Variants in PISD observed in about 807,000 individuals in gnomAD.
PISD encodes phosphatidylserine decarboxylase proenzyme, mitochondrial.
Under a neutral mutation model 43.5 loss-of-function variants are expected in PISD, and 31 were observed. The observed-to-expected ratio is 0.71, with a 90% CI of 0.54 to 0.96. The LOEUF (loss-of-function observed/expected upper bound fraction) is 0.96. Ranked by LOEUF, PISD falls within the 40% of genes least tolerant of loss-of-function variation. PISD has a pLI of 0.00. For missense variants in PISD, 523 were observed against 548.4 expected (o/e 0.95, Z 0.46); for synonymous variants, 259 against 228.7 (o/e 1.13, Z -1.20).
Position 31,619,500 on chromosome 22 carries a change from C to A in PISD, c.*112G>T. Reference sequence around the variant, plus strand: ...TTCAAGTCCTACCTGGTCAGACTCCCAACCACGCTGAGGCAGGCCCTTACC... The same window carrying A: ...TTCAAGTCCTACCTGGTCAGACTCCAAACCACGCTGAGGCAGGCCCTTACC... On this transcript the variant is annotated 3_prime_UTR_variant, in exon 8 of 8. Coordinates refer to ENST00000439502, the MANE Select transcript of PISD (RefSeq NM_001326411.2). 6.1e-6 allele frequency: 5 copies of A among 819,892 alleles called. No homozygotes were observed. Among genetic ancestry groups the A allele is most frequent in the Non-Finnish European group, 6.2e-6 (3 of 481,158 alleles). 50.8% of individuals were successfully genotyped at this position (819,892 alleles called of 1,614,324 possible).
rs1390620937 is a variant in PISD at position 31,618,776 on chromosome 22, C to T, written c.*836G>A. 1 of 193,734 alleles carries T rather than the reference C, an allele frequency of 5.2e-6. No homozygotes were observed. The highest frequency in any genetic ancestry group is 1.0e-5 in the Non-Finnish European group (1 of 95,416). 12.0% of individuals were successfully genotyped at this position (193,734 alleles called of 1,614,324 possible). ...AGGGTCCTCTGCCTCCAAGACAGAC[C>T]CTGAATCAATAGCAGCAACTTTCCC... On this transcript the variant is annotated 3_prime_UTR_variant, in exon 8 of 8. Coordinates refer to ENST00000439502, the MANE Select transcript of PISD (RefSeq NM_001326411.2).
At chr22:31,622,926 A>C (rs1166876546) in intron 3 of PISD, among the ~76,000 whole-genome samples, 1 of 152,200 alleles carries the variant, frequency 6.6e-6, no homozygotes, top group Non-Finnish European at 1.5e-5. Flanking sequence ...CCAACTTTCA[A>C]CACCTCTCCA....
At chr22:31,643,838 G>A (rs1428986029) in intron 3 of PISD, among the ~76,000 whole-genome samples, 1 of 152,142 alleles carries the variant, frequency 6.6e-6, no homozygotes, top group Non-Finnish European at 1.5e-5. Flanking sequence ...CACGAAGTCA[G>A]GAGATCGAGA....
intron 3 of PISD, among the ~76,000 whole-genome samples, chr22:31,644,891 G>A (rs1170326398): frequency 4.6e-5 from 7 of 152,114 alleles, no homozygotes; most frequent in East Asian, 1.9e-4. Context: ...TTCGGAGGCC[G>A]AGGCGGGTGG....
At chr22:31,653,258 A>C (rs2074080817) in intron 1 of PISD, among the ~76,000 whole-genome samples, 1 of 152,000 alleles carries the variant, frequency 6.6e-6, no homozygotes, top group African/African-American at 2.4e-5. Context: ...TAGACTGGAT[A>C]CTCCCACTGC....
intron 3 of PISD, among the ~76,000 whole-genome samples, chr22:31,637,655 G>T (rs1379883192): frequency 1.3e-5 from 2 of 152,132 alleles, no homozygotes; most frequent in African/African-American, 2.4e-5. Context: ...ATTTTCCAGA[G>T]CAAAGAAGAA....
Position 31,619,319 on chromosome 22 carries a change from C to A in PISD, c.*293G>T. ...GTTCGGTCAGGAATGCAGGCTCTTC[C>A]GTCTATACAGTGTTTAAAAAGATCC... On this transcript the variant is annotated 3_prime_UTR_variant, in exon 8 of 8. Coordinates refer to ENST00000439502, the MANE Select transcript of PISD (RefSeq NM_001326411.2). The A allele has an allele frequency of 2.5e-6, 1 of 402,556 alleles. No homozygotes were observed. 24.9% of individuals were successfully genotyped at this position (402,556 alleles called of 1,614,324 possible).
At chr22:31,638,196 C>A (rs2073572647) in intron 3 of PISD, among the ~76,000 whole-genome samples, 1 of 152,234 alleles carries the variant, frequency 6.6e-6, no homozygotes, top group Non-Finnish European at 1.5e-5. Flanking sequence ...CCCCCAAGAC[C>A]TAGATCCACG....
intron 1 of PISD, among the ~76,000 whole-genome samples, chr22:31,652,744 A>AC (rs1359991235): frequency 7.0e-6 from 1 of 143,808 alleles, no homozygotes; most frequent in Non-Finnish European, 1.5e-5. Context: ...CAAAACAAAC[A>AC]CCCCCCTTGC....
At chr22:31,658,826 C>A (rs1336812542) in intron 1 of PISD, among the ~76,000 whole-genome samples, 1 of 151,024 alleles carries the variant, frequency 6.6e-6, no homozygotes, top group Non-Finnish European at 1.5e-5. Flanking sequence ...AGCCACCACA[C>A]CTGGCCAGTT....
At chr22:31,634,136 T>A (rs549637161) in intron 3 of PISD, among the ~76,000 whole-genome samples, 1 of 152,374 alleles carries the variant, frequency 6.6e-6, no homozygotes, top group South Asian at 2.1e-4. Flanking sequence ...GGATGCCCTG[T>A]GCCAGGGAAC....
At chr22:31,658,280 T>G (rs9609341) in intron 1 of PISD, among the ~76,000 whole-genome samples, 5,729 of 152,256 alleles carry the variant, frequency 0.038, 126 homozygotes, top group Non-Finnish European at 0.061. Flanking sequence ...AACTCAAATC[T>G]CAGCGCTGCC....
rs367953260 is a variant in PISD at position 31,643,236 on chromosome 22, T to C, written c.321+4865A>G. 3.7e-4 allele frequency among the ~76,000 whole-genome samples: 57 copies of C among 152,320 alleles called. 2 individuals carry two copies. In the South Asian group the frequency reaches 0.011, roughly 28 times the overall value. On this transcript the variant is annotated intron_variant, in intron 3 of 7. Coordinates refer to ENST00000439502, the MANE Select transcript of PISD (RefSeq NM_001326411.2). ...TCATGTCCCCTGTTTTCCAACATTC[T>C]GTCATAGTGTTTGCTATATTCATCT...
chr22:31,625,722 C>A (rs372123466), intron 3 of PISD: 12 of 1,562,626 alleles, frequency 7.7e-6, no homozygotes, highest in Non-Finnish European at 1.0e-5. Flanking sequence ...GAGGTCGTGG[C>A]GGGGAACCGT....
chr22:31,646,559 G>T (rs1474872014), intron 3 of PISD, among the ~76,000 whole-genome samples: 1 of 152,134 alleles, frequency 6.6e-6, no homozygotes, highest in African/African-American at 2.4e-5. Flanking sequence ...TATTCTTTTG[G>T]GAAACCTTTG....
intron 3 of PISD, among the ~76,000 whole-genome samples, chr22:31,646,872 C>CT (rs377752290): frequency 0.012 from 1,794 of 149,728 alleles, 36 homozygotes; most frequent in African/African-American, 0.042. Context: ...TACCGGAAAA[C>CT]TTTTTTTTTT....
At chr22:31,624,684 T>C (rs1223787392) in intron 3 of PISD, among the ~76,000 whole-genome samples, 19 of 96,408 alleles carry the variant, frequency 2.0e-4, no homozygotes, top group East Asian at 1.3e-3. Context: ...CACACACCCA[T>C]CCCAAGCCCC....
At chr22:31,632,140 A>G (rs948822919) in intron 3 of PISD, 1 of 592,208 alleles carries the variant, frequency 1.7e-6, no homozygotes, top group Non-Finnish European at 2.1e-6. Context: ...GGAATAGGAC[A>G]TAAGGGTGTA....
chr22:31,625,800 C>G (rs1189888652), intron 3 of PISD: 1 of 1,600,692 alleles, frequency 6.2e-7, no homozygotes, highest in South Asian at 1.1e-5. Context: ...TGCCGCGCCT[C>G]TGACTGACAC....
Sources: gnomAD v4.1 joint callset for allele counts (sites outside exome capture counted in the v4.1 genomes callset) on GRCh38, gnomAD v4.1.1 for gene constraint, MANE v1.5 for transcripts, NCBI Gene and HGNC (gene_info 2026-07-23, HGNC 2026-07-21) for gene names.